CANX: variants seen among roughly 807,000 people sequenced by gnomAD.
The protein encoded by CANX is epididymis secretory sperm binding protein.
CANX carries 14 observed loss-of-function variants against 75.7 expected under a neutral mutation model. That is an observed-to-expected ratio of 0.19 (90% CI 0.12 to 0.29). CANX has a LOEUF of 0.29. Among genes scored for constraint, CANX ranks in the 10% least tolerant of loss-of-function variants. The pLI is 1.00. For missense variants in CANX, 567 were observed against 713.2 expected (o/e 0.79, Z 2.34); for synonymous variants, 227 against 236.9 (o/e 0.96, Z 0.38).
Position 179,709,964 on chromosome 5 carries a change from A to G in CANX, c.620A>G (p.Lys207Arg), listed in dbSNP as rs150270438. The G allele has an allele frequency of 1.1e-5, 18 of 1,613,344 alleles. No individual in the cohort carries two copies. The African/African-American group carries it at 1.7e-4, about 16-fold the overall frequency. ...DYKLHFIFRHKNPKTGIYEEK... is the reference protein window; with the variant it reads ...DYKLHFIFRHRNPKTGIYEEK... ...AAACTGCACTTCATCTTCCGACACA[A>G]AAACCCCAAAACGGGTATCTATGAA... Residue 207 changes from lysine (K) to arginine (R), a missense_variant, in exon 7 of 15, where the codon AAA (lysine) becomes AGA (arginine). Lys to Arg is a conservative substitution (Grantham distance 26). Around this residue, in one of 3 missense-constraint regions of CANX, gnomAD observed 351 missense variants for 433.8 expected, o/e 0.81. Coordinates refer to ENST00000247461, the MANE Select transcript of CANX (RefSeq NM_001746.4).
intron 7 of CANX, among the ~76,000 whole-genome samples, chr5:179,711,337 G>T (rs530438188): frequency 9.2e-5 from 14 of 152,088 alleles, no homozygotes; most frequent in African/African-American, 3.1e-4. Flanking sequence ...TATGAGGATT[G>T]CTTGAGCCCA....
At chr5:179,683,488 A>G (rs1037566551) in intron 1 of CANX, among the ~76,000 whole-genome samples, 2 of 151,608 alleles carry the variant, frequency 1.3e-5, no homozygotes, top group African/African-American at 4.8e-5. Context: ...TGTTATGTGA[A>G]ATCATTCCCA....
rs372523788 is a variant in CANX, at chr5:179,703,641, ATTTT to A, written c.-3-2026_-3-2023del. On this transcript the variant is annotated intron_variant, in intron 1 of 14. Transcript: ENST00000247461. Reference sequence around the variant, plus strand: ...TTTGATTTTTTGTAGAGACAGGATAATTTTTTTTTTTTTTTGTATAGACAGGGTC... The same window carrying A: ...TTTGATTTTTTGTAGAGACAGGATAATTTTTTTTTTTGTATAGACAGGGTC... Among the ~76,000 whole-genome samples the A allele has an allele frequency of 1.7e-3, 235 of 142,054 alleles. 2 individuals carry two copies. Among genetic ancestry groups the A allele is most frequent in the African/African-American group, 5.7e-3 (223 of 38,892 alleles). 93.2% of individuals were successfully genotyped at this position (142,054 alleles called of 152,430 possible). A position where few individuals can be genotyped will look rare whatever the true frequency, so the allele number is the denominator to read the frequency against.
rs1157257837 is a variant in CANX, at chr5:179,701,198, C to T, written c.-4+2096C>T. 3.9e-5 allele frequency among the ~76,000 whole-genome samples: 6 copies of T among 152,020 alleles called. No homozygotes were observed. In the South Asian group the frequency reaches 1.0e-3, roughly 26 times the overall value. On this transcript the variant is annotated intron_variant, in intron 1 of 14. Coordinates refer to ENST00000247461, the MANE Select transcript of CANX (RefSeq NM_001746.4). Reference sequence around the variant, plus strand: ...GTAGCTTTTGTCCCACTTTGGTTTCCGTAACTTCAAAATAGGAATGAGAAG... The same window carrying T: ...GTAGCTTTTGTCCCACTTTGGTTTCTGTAACTTCAAAATAGGAATGAGAAG...
intron 8 of CANX, among the ~76,000 whole-genome samples, chr5:179,718,568 G>A (rs1183184059): frequency 2.7e-5 from 4 of 147,944 alleles, no homozygotes; most frequent in Non-Finnish European, 4.5e-5. Flanking sequence ...CGCTCTTGTC[G>A]CCCAGGCTGG....
At chr5:179,706,504 C>T (rs1562472784) in intron 3 of CANX, among the ~76,000 whole-genome samples, 173 bp downstream of exon 3, 2 of 152,056 alleles carry the variant, frequency 1.3e-5, no homozygotes, top group Non-Finnish European at 2.9e-5. Context: ...AGTGCAATGG[C>T]GTGATACCGG....
At chr5:179,709,258 C>T (rs1160337547) in intron 6 of CANX, among the ~76,000 whole-genome samples, 199 bp downstream of exon 6, 1 of 151,926 alleles carries the variant, frequency 6.6e-6, no homozygotes, top group Admixed American at 6.6e-5. Flanking sequence ...ACTAAAAATA[C>T]AAAAAATTAG....
At chr5:179,679,658 TTC>T (rs1776002805) in intron 1 of CANX, among the ~76,000 whole-genome samples, 1 of 152,030 alleles carries the variant, frequency 6.6e-6, no homozygotes, top group African/African-American at 2.4e-5. Context: ...GAGCAGGGCT[TTC>T]TTTTTCTTTT....
chr5:179,695,200 C>A (rs1398333624), upstream of CANX, among the ~76,000 whole-genome samples: 1 of 152,040 alleles, frequency 6.6e-6, no homozygotes, highest in Non-Finnish European at 1.5e-5. Context: ...CAGGCACCCG[C>A]CCCACACCCG....
chr5:179,695,469 A>G (rs1425838283), upstream of CANX, among the ~76,000 whole-genome samples: 1 of 151,872 alleles, frequency 6.6e-6, no homozygotes, highest in South Asian at 2.1e-4. Flanking sequence ...AGCTGGGATT[A>G]CAGGCATTAG....
chr5:179,728,180 G>T (rs1448540767), intron 14 of CANX, among the ~76,000 whole-genome samples: 1 of 152,196 alleles, frequency 6.6e-6, no homozygotes, highest in African/African-American at 2.4e-5. Context: ...ACTTGTGATA[G>T]AGTACAGAGC....
In CANX at chr5:179,728,906, CTTT is replaced by C. The variant is rs397724671; in HGVS notation, c.*272_*274del. The C allele has an allele frequency of 5.1e-6, 2 of 389,452 alleles. No homozygotes were observed. Among genetic ancestry groups the C allele is most frequent in the African/African-American group, 2.1e-5 (1 of 46,990 alleles). 24.1% of individuals were successfully genotyped at this position (389,452 alleles called of 1,614,324 possible). On this transcript the variant is annotated 3_prime_UTR_variant, in exon 15 of 15. Coordinates refer to ENST00000247461, the MANE Select transcript of CANX (RefSeq NM_001746.4). The stretch of plus-strand genomic sequence containing the variant: ...TGAAATGTAACATGAAGCAAACTAA[CTTT>C]TTTTTTTTTAACATCTTTGTTTTTA...
chr5:179,684,884 G>A (rs949112160), intron 1 of CANX, among the ~76,000 whole-genome samples: 4 of 144,260 alleles, frequency 2.8e-5, no homozygotes, highest in Middle Eastern at 4.1e-3. Context: ...AGCCTCCTAA[G>A]TGGGATTACA....
At chr5:179,721,769 A>G (rs1418747372) in intron 10 of CANX, among the ~76,000 whole-genome samples, 1 of 152,144 alleles carries the variant, frequency 6.6e-6, no homozygotes, top group Non-Finnish European at 1.5e-5. Context: ...AGTGGCAATT[A>G]AAATTATTTA....
At position 179,728,970 on chromosome 5, in the gene CANX, C is replaced by G; in HGVS notation, c.*326C>G. On this transcript the variant is annotated 3_prime_UTR_variant, in exon 15 of 15. Coordinates refer to ENST00000247461, the MANE Select transcript of CANX (RefSeq NM_001746.4). ...ATAGAACTTTGCCAGTCTTTAAGAT[C>G]TTGGCTTAATTTAATGTATTAATCT... The G allele has an allele frequency of 2.8e-6, 1 of 362,934 alleles. No homozygotes were observed. The highest frequency in any genetic ancestry group is 5.2e-6 in the Non-Finnish European group (1 of 191,716). The allele number at this position is 362,934 out of a possible 1,614,324, so 22.5% of individuals were successfully genotyped here. A position where few individuals can be genotyped will look rare whatever the true frequency, so the allele number is the denominator to read the frequency against.
chr5:179,683,117 T>C (rs796878720), intron 1 of CANX, among the ~76,000 whole-genome samples: 20 of 152,032 alleles, frequency 1.3e-4, no homozygotes, highest in African/African-American at 4.3e-4. Context: ...AGTGACAAAA[T>C]CAACTACATT....
intron 7 of CANX, among the ~76,000 whole-genome samples, chr5:179,712,148 G>C (rs558199692): frequency 7.0e-6 from 1 of 142,962 alleles, no homozygotes; most frequent in East Asian, 2.0e-4. Context: ...AAAGAGCTTT[G>C]CTGATCTAAT....
chr5:179,719,890 C>T (rs544287492), intron 9 of CANX, 109 bp downstream of exon 9: 21 of 639,350 alleles, frequency 3.3e-5, no homozygotes, highest in Non-Finnish European at 4.4e-5. Context: ...GGCGCAGTTT[C>T]GGCTCACTGC....
At chr5:179,722,194 GT>G (rs1188594895) in intron 10 of CANX, among the ~76,000 whole-genome samples, 8 of 152,156 alleles carry the variant, frequency 5.3e-5, no homozygotes, top group African/African-American at 1.9e-4. Flanking sequence ...GCCTGGTATG[GT>G]GGCACACACC....
Sources: gnomAD v4.1 joint callset for allele counts (sites outside exome capture counted in the v4.1 genomes callset) on GRCh38, gnomAD v4.1.1 for gene constraint, gnomAD v4.1.1 regional missense constraint, MANE v1.5 for transcripts, NCBI Gene and HGNC (gene_info 2026-07-23, HGNC 2026-07-21) for gene names.